TIAM1: variants seen among roughly 807,000 people sequenced by gnomAD.
TIAM1 encodes the protein rho guanine nucleotide exchange factor TIAM1.
In TIAM1, 65 loss-of-function variants were observed where a neutral mutation model predicts 163.5. The ratio of observed to expected loss-of-function variants is 0.40; its 90% CI spans 0.33 to 0.49. TIAM1 has a LOEUF of 0.49. Among genes scored for constraint, TIAM1 ranks in the 20% least tolerant of loss-of-function variants. The pLI, the probability that TIAM1 is intolerant of heterozygous loss-of-function variation, is 0.77. For missense variants in TIAM1, 1,789 were observed against 2,044.7 expected, an observed-to-expected ratio of 0.87 and a Z score of 2.41; for synonymous variants, 833 against 810.1, an observed-to-expected ratio of 1.03 and a Z score of -0.48.
chr21:31,247,419 T>TG (rs2071563091), intron 5 of TIAM1, among the ~76,000 whole-genome samples: 1 of 152,118 alleles, frequency 6.6e-6, no homozygotes, highest in Admixed American at 6.5e-5. Context: ...TTTGTAGATA[T>TG]GGGGTCCCAC....
In TIAM1 at chr21:31,486,792, G is replaced by A. The variant is rs923328383; in HGVS notation, c.-421-22757C>T. Among the ~76,000 whole-genome samples the A allele has an allele frequency of 7.9e-5, 12 of 152,218 alleles. No individual in the cohort carries two copies. The East Asian group carries it at 1.3e-3, about 17-fold the overall frequency. On this transcript the variant is annotated intron_variant, in intron 1 of 28. Transcript: ENST00000286827. ...GAAGCACTTTGTGCAAAGCTGCCTC[G>A]TCCACAGCCTGAGATGTAATGAGAG... is the stretch of plus-strand genomic sequence containing the variant.
At chr21:31,465,575 C>CTTTTTTTTTTTTTTGAGACT (rs71193124) in intron 1 of TIAM1, among the ~76,000 whole-genome samples, 1 of 145,690 alleles carries the variant, frequency 6.9e-6, no homozygotes, top group Non-Finnish European at 1.5e-5. Context: ...TAGTGATCTT[C>CTTTTTTTTTTTTTTGAGACT]TTTTTTTTTT....
At chr21:31,535,332 G>GAA (rs1337800686) in intron 1 of TIAM1, among the ~76,000 whole-genome samples, 8 of 121,634 alleles carry the variant, frequency 6.6e-5, no homozygotes, top group African/African-American at 2.5e-4. Flanking sequence ...AGTGAGCCAG[G>GAA]ATTGTGCCAC....
intron 2 of TIAM1, among the ~76,000 whole-genome samples, chr21:31,284,740 G>A (rs1480112309): frequency 1.3e-5 from 2 of 151,846 alleles, no homozygotes; most frequent in African/African-American, 4.8e-5. Context: ...TAGCCAGGCT[G>A]GTCTTGAACT....
At chr21:31,460,068 G>A (rs1404027848) in intron 2 of TIAM1, among the ~76,000 whole-genome samples, 2 of 152,278 alleles carry the variant, frequency 1.3e-5, no homozygotes, top group South Asian at 2.1e-4. Context: ...AAGCTCCTCT[G>A]CAGGTTTTAA....
rs1175150158 is a variant in TIAM1, at chr21:31,118,538, A to C, written c.*1830T>G. 4.3e-6 allele frequency: 2 copies of C among 463,394 alleles called. No individual in the cohort carries two copies. Among genetic ancestry groups the C allele is most frequent in the East Asian group, 7.0e-5 (1 of 14,348 alleles). 28.7% of individuals were successfully genotyped at this position (463,394 alleles called of 1,614,324 possible). A position where few individuals can be genotyped will look rare whatever the true frequency, so the allele number is the denominator to read the frequency against. On this transcript the variant is annotated 3_prime_UTR_variant, in exon 28 of 28. Coordinates refer to ENST00000541036, the MANE Select transcript of TIAM1 (RefSeq NM_001353694.2). Reference sequence around the variant, plus strand: ...AAATATATAAGAACTTTTGACATAGACACGTCATGACCTTATGTACAAGAG... The same window carrying C: ...AAATATATAAGAACTTTTGACATAGCCACGTCATGACCTTATGTACAAGAG...
intron 4 of TIAM1, among the ~76,000 whole-genome samples, chr21:31,263,702 T>C (rs111345253): frequency 0.012 from 1,815 of 152,142 alleles, 41 homozygotes; most frequent in African/African-American, 0.041. Flanking sequence ...AAATCTTACA[T>C]AGCATATGCA....
At chr21:31,402,309 T>C (rs922723617) in intron 2 of TIAM1, among the ~76,000 whole-genome samples, 1 of 152,052 alleles carries the variant, frequency 6.6e-6, no homozygotes, top group Non-Finnish European at 1.5e-5. Flanking sequence ...TAGAGCAACA[T>C]TGCACCAAAT....
At chr21:31,471,870 AAAT>A (rs551501073) in intron 1 of TIAM1, among the ~76,000 whole-genome samples, 22 of 118,904 alleles carry the variant, frequency 1.9e-4, no homozygotes, top group South Asian at 5.4e-4. Context: ...ACTCCATCTC[AAAT>A]AATAATAATA....
chr21:31,126,873 T>G (rs1239588583), intron 26 of TIAM1, among the ~76,000 whole-genome samples, 192 bp downstream of exon 26: 2 of 152,052 alleles, frequency 1.3e-5, no homozygotes, highest in Admixed American at 1.3e-4. Context: ...CCATATGTGC[T>G]CCAAATGATC....
At chr21:31,541,849 A>G (rs533610208) in intron 1 of TIAM1, among the ~76,000 whole-genome samples, 3 of 152,364 alleles carry the variant, frequency 2.0e-5, no homozygotes, top group African/African-American at 7.2e-5. Flanking sequence ...ATAAAAACAC[A>G]TTTTAAAAGA....
intron 2 of TIAM1, among the ~76,000 whole-genome samples, chr21:31,277,340 T>A (rs538969394): frequency 1.3e-5 from 2 of 152,300 alleles, no homozygotes; most frequent in South Asian, 2.1e-4. Context: ...AATTACCTTA[T>A]ATGGTCTAGA....
At chr21:31,236,413 C>T (rs2088764284) in intron 6 of TIAM1, among the ~76,000 whole-genome samples, 1 of 152,104 alleles carries the variant, frequency 6.6e-6, no homozygotes. Flanking sequence ...GAAAACAGGA[C>T]TTAGCTACAG....
intron 3 of TIAM1, among the ~76,000 whole-genome samples, chr21:31,269,157 C>T (rs1376130515): frequency 6.6e-6 from 1 of 152,212 alleles, no homozygotes; most frequent in African/African-American, 2.4e-5. Context: ...TTTCTGCCAA[C>T]AGAAAACTCA....
intron 1 of TIAM1, among the ~76,000 whole-genome samples, chr21:31,534,531 T>C (rs1185441779): frequency 6.6e-6 from 1 of 152,036 alleles, no homozygotes; most frequent in Admixed American, 6.6e-5. Flanking sequence ...AAAAATTAGC[T>C]GGGCATGGTG....
chr21:31,120,423 A>C lies in TIAM1; in HGVS notation c.4721T>G (p.Ile1574Ser). 6.2e-7 allele frequency: 1 copy of C among 1,614,112 alleles called. No individual in the cohort carries two copies. Among genetic ancestry groups the C allele is most frequent in the Non-Finnish European group, 8.5e-7 (1 of 1,180,010 alleles). ...GGCAAAGTCTTCACGCCTAACCCAA[A>C]TGACTTCCTCGCTTGCGCTCTCCAG... ...GGLESASEEV[I>S]WVRREDFAPS... Residue 1574 changes from isoleucine (I) to serine (S), a missense_variant, in exon 28 of 28, where the codon ATT becomes AGT. Transcript: ENST00000541036. This position sits in a 1 kb window ranked among gnomAD's most constrained non-coding sequence, Gnocchi z 4.2.
rs1164103997 is a variant in TIAM1 at position 31,266,510 on chromosome 21, T to A, written c.463A>T (p.Asn155Tyr). 4 of 1,613,962 alleles carry A rather than the reference T, an allele frequency of 2.5e-6. No individual in the cohort carries two copies. The African/African-American group carries it at 4.0e-5, about 16-fold the overall frequency. ...GGRRQHSYTS[N>Y]GPTFMETASF... ...GCCGTCTCCATGAAAGTGGGCCCAT[T>A]GGATGTATAGGAATGCTGCCTCCTG... The change falls in exon 4 of 28, where the codon AAT becomes TAT. Residue 155 changes from asparagine (N) to tyrosine (Y), a missense_variant. Physicochemically the swap from Asn to Tyr is moderately radical, Grantham distance 143. Transcript: ENST00000541036.
intron 6 of TIAM1, among the ~76,000 whole-genome samples, chr21:31,230,071 A>G (rs544288020): frequency 1.3e-5 from 2 of 152,330 alleles, no homozygotes; most frequent in East Asian, 3.9e-4. Context: ...GTGGAAGCTC[A>G]GGGGCGGTCC....
chr21:31,165,219 A>T (rs1162325765), intron 15 of TIAM1, among the ~76,000 whole-genome samples, 154 bp from the exon 16 acceptor site: 1 of 152,204 alleles, frequency 6.6e-6, no homozygotes, highest in African/African-American at 2.4e-5. Context: ...GCTCAATCAA[A>T]TTAAAATGAT....
Sources: gnomAD v4.1 joint callset for allele counts (sites outside exome capture counted in the v4.1 genomes callset) on GRCh38, gnomAD v4.1.1 for gene constraint, Gnocchi (gnomAD v3.1) non-coding constraint, MANE v1.5 for transcripts, NCBI Gene and HGNC (gene_info 2026-07-23, HGNC 2026-07-21) for gene names.